The following CCDC82 variants were observed in gnomAD, a reference collection of about 807,000 sequenced individuals.
CCDC82 encodes the protein coiled-coil domain containing 82, also known as coiled-coil domain-containing protein 82.
In CCDC82, 47 loss-of-function variants were observed where a neutral mutation model predicts 60.6. That is an observed-to-expected ratio of 0.77 (90% confidence interval 0.61 to 0.99). CCDC82 has a LOEUF of 0.99. CCDC82 is among the 50% of genes least tolerant of loss of function. The probability of loss-of-function intolerance (pLI) is 0.00; values close to 1 mark genes in which losing one functional copy is unlikely to be tolerated. For synonymous variants in CCDC82, 212 were observed against 207.4 expected (o/e 1.02, Z -0.19); for missense variants, 588 against 633.0 (o/e 0.93, Z 0.76).
intron 5 of CCDC82, among the ~76,000 whole-genome samples, chr11:96,377,375 C>T (rs183874814): frequency 6.6e-6 from 1 of 151,492 alleles, no homozygotes. Flanking sequence ...CACACACACA[C>T]ACATATTATG....
At chr11:96,377,369 C>CAA (rs975626406) in intron 5 of CCDC82, among the ~76,000 whole-genome samples, 6 of 151,456 alleles carry the variant, frequency 4.0e-5, no homozygotes, top group Non-Finnish European at 7.4e-5. Flanking sequence ...CACACACACA[C>CAA]ACACACACAT....
At position 96,353,720 on chromosome 11, in the gene CCDC82, T is replaced by C. The variant is rs766824058; in HGVS notation, c.1567-6A>G. The C allele has an allele frequency of 8.7e-6, 14 of 1,602,260 alleles. No individual in the cohort carries two copies. The highest frequency in any genetic ancestry group is 1.7e-5 in the Admixed American group (1 of 59,622). ...TCTTCAAGTTGACCATATTTCTGCA[T>C]ATACAATAGAAAAGCTAGTTATTTT... is the stretch of plus-strand genomic sequence containing the variant. On this transcript the variant is annotated splice_polypyrimidine_tract_variant and splice_region_variant and intron_variant, in intron 9 of 9. Transcript: ENST00000646818.
rs532453691 is a variant in CCDC82, at chr11:96,382,393, G to A, written c.991+876C>T. The A allele has an allele frequency of 2.0e-5, 3 of 151,816 alleles. No homozygotes were observed. In the East Asian group the frequency reaches 5.8e-4, roughly 29 times the overall value. 9.4% of individuals were successfully genotyped at this position (151,816 alleles called of 1,614,324 possible). Reference sequence around the variant, plus strand: ...TTGTATGTGCTATTCTGAGCCTGACGGCTTCTCAATACCTGAGAAATATTC... The same window carrying A: ...TTGTATGTGCTATTCTGAGCCTGACAGCTTCTCAATACCTGAGAAATATTC... On this transcript the variant is annotated intron_variant, in intron 5 of 9. Transcript: ENST00000646818.
rs113643452 is a variant in CCDC82 at position 96,353,328 on chromosome 11, A to G, written c.*318T>C. 472 of 211,256 alleles carry G rather than the reference A, an allele frequency of 2.2e-3. 1 individual carries two copies. The highest frequency in any genetic ancestry group is 9.9e-3 in the African/African-American group (428 of 43,110). The allele number at this position is 211,256 out of a possible 1,614,324, so 13.1% of individuals were successfully genotyped here. On this transcript the variant is annotated 3_prime_UTR_variant, in exon 10 of 10. Coordinates refer to ENST00000646818, the MANE Select transcript of CCDC82 (RefSeq NM_024725.4). ...TAGTCTAAATACATTTTTAAGATAC[A>G]ATATATTTTGACTAAACTGACAGGA...
chr11:96,384,981 T>C, intron 3 of CCDC82: 1 of 396,448 alleles, frequency 2.5e-6, no homozygotes, highest in East Asian at 4.2e-5. Context: ...TTACGTTGTA[T>C]GTTGTGCTGC....
At chr11:96,384,860 G>T in intron 3 of CCDC82, 99 bp from the exon 4 acceptor site, 1 of 705,364 alleles carries the variant, frequency 1.4e-6, no homozygotes, top group Non-Finnish European at 2.2e-6. Context: ...TTATTTAATG[G>T]TCCACAAACA....
In CCDC82 at chr11:96,384,351, CTT is replaced by C. The variant is rs771916792; in HGVS notation, c.395_396del (p.Gln132ArgfsTer3). ...GTTTGTTTGTTGAGATCATTATCCT[CTT>C]GACTTAAATGTTTTTCCTGATCTTG... ...DLQDQEKHLS[Q>X]EDNDLNKQTG... On this transcript the variant is annotated frameshift_variant, in exon 4 of 10. Transcript: ENST00000646818. LOFTEE classifies it high-confidence loss of function. 1 of 1,613,692 alleles carries C rather than the reference CTT, an allele frequency of 6.2e-7. No individual in the cohort carries two copies. Among genetic ancestry groups the C allele is most frequent in the African/African-American group, 1.3e-5 (1 of 74,908 alleles).
At chr11:96,379,993 C>T (rs559757295) in intron 5 of CCDC82, among the ~76,000 whole-genome samples, 3 of 151,692 alleles carry the variant, frequency 2.0e-5, no homozygotes, top group Non-Finnish European at 4.4e-5. Context: ...ATATTACAAA[C>T]GGAAATGCAA....
chr11:96,372,839 T>C (rs919252609), intron 6 of CCDC82, among the ~76,000 whole-genome samples: 3 of 150,800 alleles, frequency 2.0e-5, no homozygotes, highest in African/African-American at 7.3e-5. Flanking sequence ...AAAGTGCATA[T>C]AAATGAGTAC....
intron 6 of CCDC82, among the ~76,000 whole-genome samples, chr11:96,372,986 T>C (rs1217241624): frequency 1.3e-5 from 2 of 151,986 alleles, no homozygotes; most frequent in Non-Finnish European, 2.9e-5. Flanking sequence ...GGGATTCTAT[T>C]CTAAGAAGAA....
chr11:96,387,639 T>G (rs530886669), intron 1 of CCDC82, 26 bp from the exon 2 acceptor site: 8 of 152,208 alleles, frequency 5.3e-5, no homozygotes, highest in African/African-American at 1.9e-4. Flanking sequence ...TTGTACAAGA[T>G]AGTAAAAATT....
intron 4 of CCDC82, 54 bp downstream of exon 4, chr11:96,383,906 AAT>A: frequency 6.8e-7 from 1 of 1,475,780 alleles, no homozygotes; most frequent in Non-Finnish European, 9.1e-7. Flanking sequence ...ATAAAAATTA[AAT>A]ACTTTAAGAA....
intron 8 of CCDC82, among the ~76,000 whole-genome samples, chr11:96,361,401 T>C (rs1864654253): frequency 6.6e-6 from 1 of 152,226 alleles, no homozygotes; most frequent in Admixed American, 6.5e-5. Flanking sequence ...ACATTATGGT[T>C]TACTTCTTTC....
At chr11:96,385,495 A>T (rs192102512) in intron 3 of CCDC82, 3 of 152,584 alleles carry the variant, frequency 2.0e-5, no homozygotes, top group Non-Finnish European at 4.4e-5. Context: ...ATAAAGTAAC[A>T]AATGACATAA....
At chr11:96,373,951 A>G (rs1865430362) in intron 5 of CCDC82, among the ~76,000 whole-genome samples, 1 of 152,134 alleles carries the variant, frequency 6.6e-6, no homozygotes, top group Non-Finnish European at 1.5e-5. Flanking sequence ...GCTGCCCCAG[A>G]TTTAGGATTT....
Position 96,365,104 on chromosome 11 carries a change from G to A in CCDC82, c.1256C>T (p.Pro419Leu). 1.9e-6 allele frequency: 3 copies of A among 1,602,482 alleles called. No homozygotes were observed. Among genetic ancestry groups the A allele is most frequent in the Non-Finnish European group, 2.6e-6 (3 of 1,174,348 alleles). The change falls in exon 8 of 10, where the codon CCT becomes CTT. Residue 419 changes from proline (P) to leucine (L), a missense_variant. Transcript: ENST00000646818. ...ACAAGCCTGGCAGGAACAGTTTTCAGGATTCTTCAAATGAATACTTACATT... is the reference window on the plus strand; with the variant it reads ...ACAAGCCTGGCAGGAACAGTTTTCAAGATTCTTCAAATGAATACTTACATT... ...YSNVSIHLKN[P>L]ENCSCQACGL...
At chr11:96,388,598 G>A (rs1236101021) in intron 1 of CCDC82, 1 of 152,186 alleles carries the variant, frequency 6.6e-6, no homozygotes, top group Non-Finnish European at 1.5e-5. Flanking sequence ...GTACTTTGAT[G>A]ATGCCATTTG....
rs181968607 is a variant in CCDC82, at chr11:96,366,286, T to G, written c.1210-1136A>C. On this transcript the variant is annotated intron_variant, in intron 7 of 9. Transcript: ENST00000646818. ...TTGGGATTTTATTGTTGGTTTATTT[T>G]GTTTGTTAGTTATATTCTTTATCTT... is the stretch of plus-strand genomic sequence containing the variant. 2.6e-5 allele frequency among the ~76,000 whole-genome samples: 4 copies of G among 152,340 alleles called. No homozygotes were observed. The East Asian group carries it at 7.7e-4, about 29-fold the overall frequency.
At position 96,384,763 on chromosome 11, in the gene CCDC82, T is replaced by C. The variant is rs758329219; in HGVS notation, c.-14-2A>G. ...CATGTATCATTTTCACTTAAGCTTC[T>C]ATAAAATAAAGTTGTTAGGAATATA... On this transcript the variant is annotated splice_acceptor_variant, in intron 3 of 9. Transcript: ENST00000646818. LOFTEE classifies it low-confidence loss of function (5UTR_SPLICE). The C allele has an allele frequency of 6.4e-7, 1 of 1,552,540 alleles. No individual in the cohort carries two copies. Among genetic ancestry groups the C allele is most frequent in the Admixed American group, 2.0e-5 (1 of 49,408 alleles).
Sources: gnomAD v4.1 joint callset for allele counts (sites outside exome capture counted in the v4.1 genomes callset) on GRCh38, gnomAD v4.1.1 for gene constraint, MANE v1.5 for transcripts, NCBI Gene and HGNC (gene_info 2026-07-23, HGNC 2026-07-21) for gene names.